ZC3H12B: variants seen among roughly 807,000 people sequenced by gnomAD.
ZC3H12B encodes the protein zinc finger CCCH-type containing 12B.
Under a neutral mutation model 43.9 loss-of-function variants are expected in ZC3H12B, and 7 were observed. That is an observed-to-expected ratio of 0.16 (90% CI 0.09 to 0.30). ZC3H12B has a LOEUF of 0.30. ZC3H12B is among the 10% of genes least tolerant of loss of function. The probability of loss-of-function intolerance (pLI) is 1.00; values close to 1 mark genes in which losing one functional copy is unlikely to be tolerated. For missense variants in ZC3H12B, 475 were observed against 670.2 expected (o/e 0.71, Z 3.22); for synonymous variants, 222 against 241.7 (o/e 0.92, Z 0.76).
chrX:65,184,459 T>A, the ZC3H12B span, among the ~76,000 whole-genome samples: 26,528 of 111,043 alleles, frequency 0.24, 7,620 homozygotes, highest in African/African-American at 0.82. Context: ...ATCTCAATAC[T>A]TACCAACTGA....
chrX:65,151,487 G>A, the ZC3H12B span, among the ~76,000 whole-genome samples: 1 of 111,770 alleles, frequency 8.9e-6, no homozygotes, highest in Non-Finnish European at 1.9e-5. Flanking sequence ...CAAGAAATAA[G>A]TTTGTTTAAT....
the ZC3H12B span, among the ~76,000 whole-genome samples, chrX:65,275,053 C>T: frequency 8.9e-6 from 1 of 112,429 alleles, no homozygotes; most frequent in Non-Finnish European, 1.9e-5. Flanking sequence ...GTGGTGGACA[C>T]ATCCTCAGAT....
chrX:65,189,366 T>A, the ZC3H12B span, among the ~76,000 whole-genome samples: 1 of 78,578 alleles, frequency 1.3e-5, no homozygotes, highest in Non-Finnish European at 2.2e-5. Context: ...CCTGAGGAAT[T>A]GCCACACTGA....
intron 3 of ZC3H12B, among the ~76,000 whole-genome samples, chrX:65,428,211 C>A (rs1278001703): frequency 9.0e-6 from 1 of 111,723 alleles, no homozygotes; most frequent in Non-Finnish European, 1.9e-5. Context: ...TTCATTTCAA[C>A]CTTGGAAAAT....
the ZC3H12B span, among the ~76,000 whole-genome samples, chrX:65,356,233 T>A: frequency 9.0e-6 from 1 of 111,403 alleles, no homozygotes; most frequent in Non-Finnish European, 1.9e-5. Context: ...CTTTTGAAGG[T>A]TGTTTTGTGG....
At chrX:65,117,190 T>C in the ZC3H12B span, among the ~76,000 whole-genome samples, 1 of 111,989 alleles carries the variant, frequency 8.9e-6, no homozygotes, top group Non-Finnish European at 1.9e-5. Flanking sequence ...TGTAAAAGTA[T>C]TCCTATATCT....
intron 3 of ZC3H12B, among the ~76,000 whole-genome samples, chrX:65,440,465 C>A (rs974587804): frequency 1.8e-5 from 2 of 112,424 alleles, no homozygotes; most frequent in African/African-American, 6.5e-5. Flanking sequence ...ACAAGCTCCA[C>A]TCTTTGAGCT....
At chrX:65,176,527 G>T in the ZC3H12B span, among the ~76,000 whole-genome samples, 2 of 111,210 alleles carry the variant, frequency 1.8e-5, no homozygotes, top group African/African-American at 6.5e-5. Context: ...GCACAGCACT[G>T]GAGCTCTGCT....
chrX:65,266,577 G>T, the ZC3H12B span, among the ~76,000 whole-genome samples: 1 of 111,863 alleles, frequency 8.9e-6, no homozygotes, highest in African/African-American at 3.2e-5. Flanking sequence ...CTGTTGTTTT[G>T]CAGTAAAGGA....
At chrX:65,229,032 A>G in the ZC3H12B span, among the ~76,000 whole-genome samples, 24 of 111,071 alleles carry the variant, frequency 2.2e-4, 1 homozygote, top group Middle Eastern at 0.018. Flanking sequence ...GGAAAAAACT[A>G]CTTTAAAGTT....
At chrX:65,212,577 A>G in the ZC3H12B span, among the ~76,000 whole-genome samples, 1 of 79,502 alleles carries the variant, frequency 1.3e-5, no homozygotes, top group Non-Finnish European at 2.2e-5. Context: ...ATATAATTAT[A>G]CAGTATATAT....
upstream of ZC3H12B, among the ~76,000 whole-genome samples, chrX:65,362,764 G>A (rs1282589138): frequency 3.6e-5 from 4 of 111,048 alleles, no homozygotes; most frequent in African/African-American, 1.3e-4. Context: ...GCCTTTTAAA[G>A]CCTATAAACT....
upstream of ZC3H12B, among the ~76,000 whole-genome samples, chrX:65,363,086 T>C (rs754341502): frequency 9.0e-6 from 1 of 111,711 alleles, no homozygotes; most frequent in African/African-American, 3.3e-5. Flanking sequence ...CTGCAAGGCT[T>C]CAGGGACAGC....
chrX:65,377,504 G>C (rs1213852140), intron 2 of ZC3H12B, among the ~76,000 whole-genome samples: 2 of 110,461 alleles, frequency 1.8e-5, no homozygotes, highest in African/African-American at 6.6e-5. Context: ...AGTAAAGAAA[G>C]GATCCTAAAA....
chrX:65,121,327 A>G, the ZC3H12B span, among the ~76,000 whole-genome samples: 1 of 110,858 alleles, frequency 9.0e-6, no homozygotes, highest in African/African-American at 3.3e-5. Flanking sequence ...TCAATTTCAG[A>G]GCCTGTTATT....
At chrX:65,169,831 G>T in the ZC3H12B span, among the ~76,000 whole-genome samples, 4 of 111,775 alleles carry the variant, frequency 3.6e-5, no homozygotes, top group East Asian at 1.1e-3. Flanking sequence ...TTTAAAGTCT[G>T]TTTCATCAGA....
At chrX:65,343,062 C>T in the ZC3H12B span, among the ~76,000 whole-genome samples, 2 of 110,838 alleles carry the variant, frequency 1.8e-5, no homozygotes, top group Non-Finnish European at 3.8e-5. Flanking sequence ...ACTAGAAAAT[C>T]TAGAAAAAAT....
chrX:65,462,052 A>G (rs181746608), intron 3 of ZC3H12B, among the ~76,000 whole-genome samples: 2 of 110,894 alleles, frequency 1.8e-5, no homozygotes, highest in East Asian at 5.6e-4. Context: ...GATGTGGTTA[A>G]TTATAACACT....
At chrX:65,091,889 G>A in the ZC3H12B span, among the ~76,000 whole-genome samples, 1 of 112,220 alleles carries the variant, frequency 8.9e-6, no homozygotes, top group Non-Finnish European at 1.9e-5. Flanking sequence ...AGGGTGATAT[G>A]GTTTGGATCT....
Sources: gnomAD v4.1 joint callset for allele counts (sites outside exome capture counted in the v4.1 genomes callset) on GRCh38, gnomAD v4.1.1 for gene constraint, MANE v1.5 for transcripts, NCBI Gene and HGNC (gene_info 2026-07-23, HGNC 2026-07-21) for gene names.